The following GPR55 variants were observed in gnomAD, a reference collection of about 807,000 sequenced individuals.
GPR55 encodes the protein G protein-coupled receptor 55.
GPR55 carries 6 observed loss-of-function variants against 7.9 expected under a neutral mutation model. The ratio of observed to expected loss-of-function variants is 0.76; its 90% CI spans 0.41 to 1.49. The LOEUF is 1.49. Among genes scored for constraint, GPR55 ranks in the 40% most tolerant of loss-of-function variants. GPR55 has a pLI of 0.01. For synonymous variants in GPR55, 183 were observed against 166.8 expected, an observed-to-expected ratio of 1.10 and a Z score of -0.75; for missense variants, 376 against 406.0, an observed-to-expected ratio of 0.93 and a Z score of 0.63.
At chr2:230,956,983 G>C (rs373149426) in intron 1 of GPR55, among the ~76,000 whole-genome samples, 20 of 150,802 alleles carry the variant, frequency 1.3e-4, no homozygotes, top group Admixed American at 4.0e-4. Context: ...AGAGTACCAA[G>C]CCTGACTGCC....
At chr2:230,925,480 C>CA (rs201017594), upstream of GPR55, among the ~76,000 whole-genome samples, 1,156 of 152,062 alleles carry the variant, frequency 7.6e-3, 16 homozygotes, top group African/African-American at 0.027. Flanking sequence ...CCCGCAGCTC[C>CA]AAAAAACAAA....
At chr2:230,960,602 A>G (rs1436075509) in intron 1 of GPR55, among the ~76,000 whole-genome samples, 1 of 152,220 alleles carries the variant, frequency 6.6e-6, no homozygotes, top group Non-Finnish European at 1.5e-5. Flanking sequence ...TCACCGTAAG[A>G]CAGCTCTCAC....
chr2:230,930,461 T>G (rs1435984738), intron 1 of GPR55, among the ~76,000 whole-genome samples: 1 of 151,724 alleles, frequency 6.6e-6, no homozygotes, highest in East Asian at 1.9e-4. Context: ...TTTTCTTTCT[T>G]TCTTTTTTTT....
intron 1 of GPR55, among the ~76,000 whole-genome samples, chr2:230,915,175 G>A (rs1216158756): frequency 6.6e-6 from 1 of 152,224 alleles, no homozygotes; most frequent in Non-Finnish European, 1.5e-5. Flanking sequence ...TGGACCTGAA[G>A]CAGCAGAGCT....
chr2:230,941,610 G>A lies in GPR55; in HGVS notation c.-135+19165C>T, dbSNP rs189920553. ...CCGTCACCAAGCAGAGCTGGACTGT[G>A]GCTGGAGGAAGCTCAGGGACAAATG... On this transcript the variant is annotated intron_variant, in intron 1 of 1. Coordinates refer to the GPR55 transcript ENST00000392039. 1.8e-3 allele frequency among the ~76,000 whole-genome samples: 275 copies of A among 152,234 alleles called. 3 individuals carry two copies. The highest frequency in any genetic ancestry group is 5.7e-3 in the African/African-American group (237 of 41,530).
intron 1 of GPR55, 84 bp from the exon 2 acceptor site, chr2:230,911,180 T>A: frequency 1.8e-6 from 1 of 558,918 alleles, no homozygotes; most frequent in Non-Finnish European, 3.2e-6. Context: ...CATTCCAGAC[T>A]CGCTTTCTCA....
At chr2:230,933,567 C>T (rs1691087621) in intron 1 of GPR55, among the ~76,000 whole-genome samples, 1 of 152,236 alleles carries the variant, frequency 6.6e-6, no homozygotes, top group Non-Finnish European at 1.5e-5. Context: ...GGTCCACAGG[C>T]CAAAGAAACT....
At chr2:230,922,858 C>A (rs1427950394) in intron 1 of GPR55, among the ~76,000 whole-genome samples, 3 of 152,000 alleles carry the variant, frequency 2.0e-5, no homozygotes, top group Non-Finnish European at 4.4e-5. Flanking sequence ...TGTGAGCCAT[C>A]GCTCCTGGCC....
chr2:230,958,050 C>A (rs892193032), intron 1 of GPR55: 3 of 259,598 alleles, frequency 1.2e-5, no homozygotes, highest in East Asian at 1.1e-4. Flanking sequence ...AGCTCTCAAT[C>A]AAGTAAATAA....
intron 1 of GPR55, among the ~76,000 whole-genome samples, chr2:230,951,946 T>C (rs973759169): frequency 4.0e-5 from 6 of 151,746 alleles, no homozygotes; most frequent in Admixed American, 3.3e-4. Flanking sequence ...TTTAATTTTT[T>C]TGCAGAAACG....
Position 230,952,712 on chromosome 2 carries a change from C to A in GPR55, c.-135+8063G>T, listed in dbSNP as rs925380243. 3.3e-5 allele frequency among the ~76,000 whole-genome samples: 5 copies of A among 152,200 alleles called. No individual in the cohort carries two copies. In the South Asian group the frequency reaches 8.3e-4, roughly 25 times the overall value. On this transcript the variant is annotated intron_variant, in intron 1 of 1. Transcript: ENST00000392039. Reference sequence around the variant, plus strand: ...AAGCTTCCATCGGGCATCTGCACAGCTGAAATGGCCCACGGCCACCCTGTC... The same window carrying A: ...AAGCTTCCATCGGGCATCTGCACAGATGAAATGGCCCACGGCCACCCTGTC...
chr2:230,936,650 G>T lies in GPR55; in HGVS notation c.-135+24125C>A, dbSNP rs542758126. Among the ~76,000 whole-genome samples the T allele has an allele frequency of 1.6e-4, 24 of 152,342 alleles. No individual in the cohort carries two copies. In the South Asian group the frequency reaches 4.1e-3, roughly 26 times the overall value. ...GTTGGACAGCAGCAATGTCCATAGA[G>T]GTTCTGCCTGCAGGAGTGGCTCAAA... On this transcript the variant is annotated intron_variant, in intron 1 of 1. Transcript: ENST00000392039.
chr2:230,941,553 C>G (rs1351885951), intron 1 of GPR55, among the ~76,000 whole-genome samples: 1 of 152,206 alleles, frequency 6.6e-6, no homozygotes, highest in Admixed American at 6.5e-5. Context: ...GGGACCACCA[C>G]CTACCACCTC....
At chr2:230,913,227 T>C (rs1690633367) in intron 1 of GPR55, among the ~76,000 whole-genome samples, 1 of 152,228 alleles carries the variant, frequency 6.6e-6, no homozygotes, top group Non-Finnish European at 1.5e-5. Context: ...TTCCTATGAC[T>C]TATTTCTTTG....
At chr2:230,912,031 C>T (rs760564977) in intron 1 of GPR55, among the ~76,000 whole-genome samples, 4 of 152,114 alleles carry the variant, frequency 2.6e-5, no homozygotes, top group Non-Finnish European at 5.9e-5. Context: ...CAACTTCCAC[C>T]CTCTCCCCAC....
At chr2:230,933,623 A>G (rs1012130188) in intron 1 of GPR55, among the ~76,000 whole-genome samples, 1 of 152,238 alleles carries the variant, frequency 6.6e-6, no homozygotes, top group Non-Finnish European at 1.5e-5. Context: ...TTAGGCTTTC[A>G]GAGCGGCCAT....
chr2:230,910,934 C>A lies in GPR55; in HGVS notation c.29G>T (p.Cys10Phe). Residue 10 changes from cysteine (C) to phenylalanine (F), a missense_variant, in exon 2 of 2, where the codon TGC (cysteine) becomes TTC (phenylalanine). Physicochemically the swap from Cys to Phe is radical, Grantham distance 205. Coordinates refer to ENST00000650999, the MANE Select transcript of GPR55 (RefSeq NM_005683.4). The surrounding 1 kb of genome is among the most constrained non-coding windows in gnomAD (Gnocchi z 5.4). MSQQNTSGD[C>F]LFDGVNELMK... ...CAGCTCGTTGACACCGTCAAACAGG[C>A]AGTCCCCACTGGTGTTTTGCTGACT... 6.2e-7 allele frequency: 1 copy of A among 1,607,020 alleles called. No homozygotes were observed. The highest frequency in any genetic ancestry group is 1.1e-5 in the South Asian group (1 of 90,594).
intron 1 of GPR55, among the ~76,000 whole-genome samples, chr2:230,931,229 C>T (rs1691033321): frequency 1.3e-5 from 2 of 152,234 alleles, no homozygotes; most frequent in Non-Finnish European, 2.9e-5. Flanking sequence ...AAGGAGACGT[C>T]ATTGCCAATG....
chr2:230,930,718 G>C (rs1207396134), intron 1 of GPR55, among the ~76,000 whole-genome samples: 1 of 152,092 alleles, frequency 6.6e-6, no homozygotes, highest in African/African-American at 2.4e-5. Flanking sequence ...ACCCACCTCA[G>C]CCTCCCAAAA....
Sources: gnomAD v4.1 joint callset for allele counts (sites outside exome capture counted in the v4.1 genomes callset) on GRCh38, gnomAD v4.1.1 for gene constraint, Gnocchi (gnomAD v3.1) non-coding constraint, MANE v1.5 for transcripts, NCBI Gene and HGNC (gene_info 2026-07-23, HGNC 2026-07-21) for gene names.